TBC1D15: variants seen among roughly 807,000 people sequenced by gnomAD.
TBC1D15 encodes the protein TBC1 domain family member 15.
TBC1D15 carries 39 observed loss-of-function variants against 95.4 expected under a neutral mutation model. The observed-to-expected ratio is 0.41, with a 90% CI of 0.32 to 0.53. TBC1D15 has a LOEUF of 0.53. Ranked by LOEUF, TBC1D15 falls within the 20% of genes least tolerant of loss-of-function variation. The pLI is 0.29. For missense variants in TBC1D15, 733 were observed against 794.3 expected (o/e 0.92, Z 0.93); for synonymous variants, 258 against 261.3 (o/e 0.99, Z 0.12).
At chr12:71,867,955 C>T (rs944221769) in intron 1 of TBC1D15, among the ~76,000 whole-genome samples, 5 of 152,174 alleles carry the variant, frequency 3.3e-5, no homozygotes, top group African/African-American at 1.2e-4. Context: ...ACCAATGCAA[C>T]TATTTTTTTC....
chr12:71,851,614 C>A (rs550233976), intron 1 of TBC1D15, among the ~76,000 whole-genome samples: 1 of 152,336 alleles, frequency 6.6e-6, no homozygotes, highest in East Asian at 1.9e-4. Flanking sequence ...GGTAAATACT[C>A]CCATTCCAAA....
At chr12:71,904,834 A>AT (rs992403915) in intron 10 of TBC1D15, among the ~76,000 whole-genome samples, 2 of 152,210 alleles carry the variant, frequency 1.3e-5, no homozygotes, top group Admixed American at 6.5e-5. Context: ...GAAAGGAAGT[A>AT]TAAAATAATT....
At chr12:71,846,260 A>G (rs1241636597) in intron 1 of TBC1D15, among the ~76,000 whole-genome samples, 1 of 152,202 alleles carries the variant, frequency 6.6e-6, no homozygotes, top group Admixed American at 6.5e-5. Context: ...AGTTTTATAA[A>G]TGTACTTATC....
chr12:71,861,175 T>G (rs565299974), intron 1 of TBC1D15, among the ~76,000 whole-genome samples: 80 of 152,280 alleles, frequency 5.3e-4, no homozygotes, highest in Middle Eastern at 6.8e-3. Flanking sequence ...TCTTTTTTTG[T>G]TGTGTCTTTG....
intron 2 of TBC1D15, 111 bp downstream of exon 2, chr12:71,872,279 A>C: frequency 3.6e-6 from 2 of 549,034 alleles, no homozygotes; most frequent in Non-Finnish European, 6.1e-6. Context: ...TATGTAATTG[A>C]ACAGTAATTG....
chr12:71,846,245 T>C (rs1001857888), intron 1 of TBC1D15, among the ~76,000 whole-genome samples: 5 of 152,244 alleles, frequency 3.3e-5, no homozygotes, highest in Admixed American at 2.0e-4. Flanking sequence ...CAGGCCATCA[T>C]TGGAAGTTTT....
chr12:71,886,343 A>AT (rs1365919473), intron 5 of TBC1D15, among the ~76,000 whole-genome samples: 2 of 151,908 alleles, frequency 1.3e-5, no homozygotes, highest in Non-Finnish European at 2.9e-5. Flanking sequence ...TAATTTTTGT[A>AT]TTTTTTAGTA....
At chr12:71,840,029 C>T (rs1011660855) in intron 1 of TBC1D15, among the ~76,000 whole-genome samples, 2 of 152,168 alleles carry the variant, frequency 1.3e-5, no homozygotes, top group Non-Finnish European at 2.9e-5. Context: ...CCAGCTAGGC[C>T]TCGGCGCTCT....
At chr12:71,922,332 A>C (rs1243785872) in intron 16 of TBC1D15, among the ~76,000 whole-genome samples, 1 of 151,136 alleles carries the variant, frequency 6.6e-6, no homozygotes, top group African/African-American at 2.4e-5. Flanking sequence ...TGATCCACCC[A>C]CCTCGGCCTC....
At chr12:71,895,224 C>T (rs573633707) in intron 7 of TBC1D15, among the ~76,000 whole-genome samples, 1 of 152,050 alleles carries the variant, frequency 6.6e-6, no homozygotes, top group Non-Finnish European at 1.5e-5. Flanking sequence ...GCATCAGAGA[C>T]AGCTAGTCAG....
intron 10 of TBC1D15, 114 bp downstream of exon 10, chr12:71,898,055 G>C (rs919294065): frequency 2.8e-6 from 2 of 716,294 alleles, no homozygotes; most frequent in Non-Finnish European, 4.8e-6. Context: ...AGAGAAATCA[G>C]AATAGGAAAG....
At chr12:71,876,991 A>G (rs1451608552) in intron 3 of TBC1D15, among the ~76,000 whole-genome samples, 1 of 151,692 alleles carries the variant, frequency 6.6e-6, no homozygotes, top group African/African-American at 2.4e-5. Flanking sequence ...TTGTATTTTT[A>G]GTAGAGGCAA....
rs777726679 is a variant in TBC1D15, at chr12:71,917,619, A to T, written c.1402-79A>T. 1.9e-4 allele frequency: 180 copies of T among 954,574 alleles called. 2 individuals carry two copies. The highest frequency in any genetic ancestry group is 1.3e-3 in the Middle Eastern group (4 of 2,986). The allele number at this position is 954,574 out of a possible 1,614,324, so 59.1% of individuals were successfully genotyped here. On this transcript the variant is annotated intron_variant, in intron 12 of 16. Transcript: ENST00000485960. The stretch of plus-strand genomic sequence containing the variant: ...ATAAGTTCAGCATTTGTCCTTAGAC[A>T]TCATGTTTTAGTTATCAGTCATTAT...
chr12:71,880,615 T>C lies in TBC1D15; in HGVS notation c.343+8T>C. 6.3e-7 allele frequency: 1 copy of C among 1,594,158 alleles called. No individual in the cohort carries two copies. Among genetic ancestry groups the C allele is most frequent in the South Asian group, 1.1e-5 (1 of 87,810 alleles). On this transcript the variant is annotated splice_region_variant and intron_variant, in intron 4 of 16. Transcript: ENST00000485960. ...AACCACATACCAATGGAGGTATGAA[T>C]TAAATCTTTTGAAATCTTAAACTGA...
intron 1 of TBC1D15, among the ~76,000 whole-genome samples, chr12:71,866,308 T>G (rs1167884397): frequency 2.0e-5 from 3 of 152,200 alleles, no homozygotes; most frequent in Admixed American, 6.5e-5. Context: ...CGGTATCTTC[T>G]CCTCTCTTGG....
At chr12:71,895,757 G>A (rs1898038888) in intron 7 of TBC1D15, among the ~76,000 whole-genome samples, 190 bp from the exon 8 acceptor site, 1 of 152,046 alleles carries the variant, frequency 6.6e-6, no homozygotes, top group Non-Finnish European at 1.5e-5. Context: ...AGTTTGTTGT[G>A]TGTTTAGTAG....
Position 71,923,899 on chromosome 12 carries a change from T to C in TBC1D15, c.*695T>C, listed in dbSNP as rs1870322556. 1 of 152,570 alleles carries C rather than the reference T, an allele frequency of 6.6e-6. No homozygotes were observed. Among genetic ancestry groups the C allele is most frequent in the African/African-American group, 2.4e-5 (1 of 41,464 alleles). 9.5% of individuals were successfully genotyped at this position (152,570 alleles called of 1,614,324 possible). On this transcript the variant is annotated 3_prime_UTR_variant, in exon 17 of 17. Transcript: ENST00000485960. The stretch of plus-strand genomic sequence containing the variant: ...TTAACTGAATAAACGACTTGATTTA[T>C]ATAACCTGGTTTATCAAAATTTAAC...
intron 4 of TBC1D15, among the ~76,000 whole-genome samples, chr12:71,881,510 G>A (rs1289824692): frequency 1.3e-5 from 2 of 152,156 alleles, no homozygotes; most frequent in South Asian, 4.1e-4. Context: ...AAGGTCTTCA[G>A]ATGACTTTAA....
chr12:71,889,691 TAAACTGC>T (rs1896881063), intron 5 of TBC1D15, among the ~76,000 whole-genome samples: 1 of 152,228 alleles, frequency 6.6e-6, no homozygotes, highest in African/African-American at 2.4e-5. Context: ...GTTATGTAGG[TAAACTGC>T]ATGTCACGGG....
Sources: allele counts gnomAD v4.1 joint callset (sites outside exome capture counted in the v4.1 genomes callset), GRCh38; gene constraint gnomAD v4.1.1; transcripts MANE v1.5; gene names NCBI Gene and HGNC (gene_info 2026-07-23, HGNC 2026-07-21).